The following DAP variants were observed in gnomAD, a reference collection of about 807,000 sequenced individuals.
DAP encodes death associated protein, also known as death-associated protein 1.
In DAP, 8 loss-of-function variants were observed where a neutral mutation model predicts 13.8. The ratio of observed to expected loss-of-function variants is 0.58; its 90% confidence interval spans 0.34 to 1.05. DAP has a LOEUF of 1.05. DAP is among the 50% of genes least tolerant of loss of function. The pLI, the probability that DAP is intolerant of heterozygous loss-of-function variation, is 0.03. For synonymous variants in DAP, 47 were observed against 47.5 expected (o/e 0.99, Z 0.04); for missense variants, 106 against 133.2 (o/e 0.80, Z 1.01).
At chr5:10,759,286 C>T (rs967545766) in intron 1 of DAP, among the ~76,000 whole-genome samples, 5 of 152,210 alleles carry the variant, frequency 3.3e-5, no homozygotes, top group South Asian at 2.1e-4. Context: ...TAATGTAACC[C>T]ATGTCCTGGG....
At chr5:10,730,707 A>G (rs1448352288) in intron 2 of DAP, among the ~76,000 whole-genome samples, 87 of 41,030 alleles carry the variant, frequency 2.1e-3, no homozygotes, top group Admixed American at 3.2e-3. Flanking sequence ...TGAGAGCCCT[A>G]GTGAGGGGGA....
chr5:10,758,206 CTT>C (rs201315835), intron 1 of DAP, among the ~76,000 whole-genome samples: 72 of 142,254 alleles, frequency 5.1e-4, no homozygotes, highest in African/African-American at 1.3e-3. Context: ...AGTGGGCCGC[CTT>C]TTTTTTTTTT....
At position 10,739,412 on chromosome 5, in the gene DAP, C is replaced by T. The variant is rs1054825000; in HGVS notation, c.152+8763G>A. 4.6e-5 allele frequency among the ~76,000 whole-genome samples: 7 copies of T among 151,572 alleles called. No individual in the cohort carries two copies. In the South Asian group the frequency reaches 6.2e-4, roughly 14 times the overall value. On this transcript the variant is annotated intron_variant, in intron 2 of 3. Transcript: ENST00000230895. Reference sequence around the variant, plus strand: ...ATGTAATAACAGCTATCACTTAATACGTGACTGAGATGGTTGAGGTGTTTT... The same window carrying T: ...ATGTAATAACAGCTATCACTTAATATGTGACTGAGATGGTTGAGGTGTTTT...
chr5:10,723,367 A>G (rs1021399994), intron 2 of DAP, among the ~76,000 whole-genome samples: 6 of 152,270 alleles, frequency 3.9e-5, no homozygotes, highest in Admixed American at 6.5e-5. Context: ...TCAGCTGGCT[A>G]TTAGTACAGC....
intron 2 of DAP, among the ~76,000 whole-genome samples, chr5:10,693,659 G>A (rs576406127): frequency 6.6e-6 from 1 of 152,338 alleles, no homozygotes; most frequent in African/African-American, 2.4e-5. Flanking sequence ...AACGAGGGCT[G>A]TATAGTGCAT....
intron 2 of DAP, among the ~76,000 whole-genome samples, chr5:10,692,446 C>T (rs962352873): frequency 1.3e-5 from 2 of 152,234 alleles, no homozygotes; most frequent in South Asian, 2.1e-4. Flanking sequence ...CAGTGGGGGC[C>T]GCCTGGATGT....
At chr5:10,714,682 G>A (rs959499137) in intron 2 of DAP, among the ~76,000 whole-genome samples, 1 of 152,304 alleles carries the variant, frequency 6.6e-6, no homozygotes, top group East Asian at 1.9e-4. Context: ...AATGTTGGAG[G>A]CTGGGCCTGG....
In DAP at chr5:10,681,058, AC is replaced by A; in HGVS notation, c.306del (p.Lys102AsnfsTer118). 1 of 1,592,362 alleles carries A rather than the reference AC, an allele frequency of 6.3e-7. No homozygotes were observed. Among genetic ancestry groups the A allele is most frequent in the Non-Finnish European group, 8.6e-7 (1 of 1,168,290 alleles). On this transcript the variant is annotated frameshift_variant, in exon 4 of 4. Coordinates refer to ENST00000230895, the MANE Select transcript of DAP (RefSeq NM_004394.3). LOFTEE classifies it high-confidence loss of function. ...PRTQHIQQPR[K>X] ...GGGCAGGCTGGTGGACTCCAGGCTC[AC>A]TTGCGTGGCTGCTGGATGTGCTGGG...
At chr5:10,744,138 AGAGAT>A (rs1228460662) in intron 2 of DAP, among the ~76,000 whole-genome samples, 1 of 152,222 alleles carries the variant, frequency 6.6e-6, no homozygotes, top group Admixed American at 6.5e-5. Context: ...GGAAGCCACC[AGAGAT>A]GAGTCAGTAA....
intron 2 of DAP, among the ~76,000 whole-genome samples, chr5:10,711,277 C>G (rs771279493): frequency 6.6e-6 from 1 of 152,194 alleles, no homozygotes; most frequent in African/African-American, 2.4e-5. Flanking sequence ...TCCGCTCACC[C>G]GGGGTGGCCT....
chr5:10,701,834 G>A (rs1017489485), intron 2 of DAP, among the ~76,000 whole-genome samples: 1 of 152,116 alleles, frequency 6.6e-6, no homozygotes, highest in African/African-American at 2.4e-5. Context: ...TATGCTGCAT[G>A]GTCACTCCAA....
chr5:10,722,035 T>A (rs1739156924), intron 2 of DAP, among the ~76,000 whole-genome samples: 3 of 152,180 alleles, frequency 2.0e-5, no homozygotes, highest in Admixed American at 2.0e-4. Context: ...GTAATTATGA[T>A]CTTATTGTAT....
intron 2 of DAP, among the ~76,000 whole-genome samples, chr5:10,721,863 C>A (rs145932972): frequency 1.7e-3 from 260 of 152,292 alleles, no homozygotes; most frequent in East Asian, 0.011. Context: ...TACACTTGTA[C>A]TAAGAAAATA....
At chr5:10,749,493 T>A (rs1739992067) in intron 1 of DAP, among the ~76,000 whole-genome samples, 1 of 152,184 alleles carries the variant, frequency 6.6e-6, no homozygotes. Flanking sequence ...ATTATAGCCA[T>A]CCTAGTGGGT....
rs1739480862 is a variant in DAP, at chr5:10,732,166, A to G, written c.152+16009T>C. ...CCATGGTTCCCAATTTTCATGCCTA[A>G]GGACTTCCTTTTTATTGAGGTAACA... On this transcript the variant is annotated intron_variant, in intron 2 of 3. Coordinates refer to ENST00000230895, the MANE Select transcript of DAP (RefSeq NM_004394.3). Among the ~76,000 whole-genome samples the G allele has an allele frequency of 2.0e-5, 3 of 152,354 alleles. No individual in the cohort carries two copies. In the South Asian group the frequency reaches 6.2e-4, roughly 32 times the overall value.
chr5:10,748,951 C>T (rs1739977967), intron 1 of DAP, among the ~76,000 whole-genome samples: 1 of 152,166 alleles, frequency 6.6e-6, no homozygotes, highest in African/African-American at 2.4e-5. Context: ...TTCATCACCC[C>T]AAACAGAAAC....
chr5:10,761,047 T>C lies in DAP; in HGVS notation c.22A>G (p.Lys8Glu), dbSNP rs1263758394. 3 of 1,215,988 alleles carry C rather than the reference T, an allele frequency of 2.5e-6. No individual in the cohort carries two copies. The highest frequency in any genetic ancestry group is 3.7e-5 in the South Asian group (1 of 27,356). 75.3% of individuals were successfully genotyped at this position (1,215,988 alleles called of 1,614,324 possible). A position where few individuals can be genotyped will look rare whatever the true frequency, so the allele number is the denominator to read the frequency against. The part of the protein sequence containing the change: MSSPPEG[K>E]LETKAGHPPA... ...GGGTGTCCAGCTTTAGTCTCTAGTTTCCCTTCGGGAGGCGAAGACATGACG... is the reference window on the plus strand; with the variant it reads ...GGGTGTCCAGCTTTAGTCTCTAGTTCCCCTTCGGGAGGCGAAGACATGACG... The change falls in exon 1 of 4, where the codon AAA (lysine) becomes GAA (glutamate). Residue 8 changes from lysine (K) to glutamate (E), a missense_variant. Physicochemically the swap from Lys to Glu is moderately conservative, Grantham distance 56. Transcript: ENST00000230895.
At chr5:10,724,387 T>C (rs1462014475) in intron 2 of DAP, among the ~76,000 whole-genome samples, 2 of 152,232 alleles carry the variant, frequency 1.3e-5, no homozygotes, top group Non-Finnish European at 2.9e-5. Context: ...CTTACAGATA[T>C]TCATATTTTT....
At chr5:10,716,891 T>C (rs1168506474) in intron 2 of DAP, among the ~76,000 whole-genome samples, 4 of 152,208 alleles carry the variant, frequency 2.6e-5, no homozygotes, top group Non-Finnish European at 2.9e-5. Context: ...AGTTCTTTCA[T>C]TGGTTTTGGG....
Sources: allele counts gnomAD v4.1 joint callset (sites outside exome capture counted in the v4.1 genomes callset), GRCh38; gene constraint gnomAD v4.1.1; transcripts MANE v1.5; gene names NCBI Gene and HGNC (gene_info 2026-07-23, HGNC 2026-07-21).